Variants in SLC35B2 observed in about 807,000 individuals in gnomAD.
SLC35B2 encodes the protein solute carrier family 35 member B2.
In SLC35B2, 19 loss-of-function variants were observed where a neutral mutation model predicts 37.9. That is an observed-to-expected ratio of 0.50 (90% CI 0.35 to 0.74). The LOEUF (loss-of-function observed/expected upper bound fraction) is 0.74. SLC35B2 is among the 30% of genes least tolerant of loss of function. The probability of loss-of-function intolerance (pLI) is 0.01; values close to 1 mark genes in which losing one functional copy is unlikely to be tolerated. For missense variants in SLC35B2, 633 were observed against 547.6 expected (o/e 1.16, Z -1.56); for synonymous variants, 277 against 225.2 (o/e 1.23, Z -2.06).
Position 44,256,835 on chromosome 6 carries a change from C to G in SLC35B2, c.55G>C (p.Ala19Pro). The G allele has an allele frequency of 6.2e-7, 1 of 1,612,048 alleles. No homozygotes were observed. Among genetic ancestry groups the G allele is most frequent in the Non-Finnish European group, 8.5e-7 (1 of 1,179,100 alleles). Residue 19 changes from alanine to proline, a missense_variant, in exon 2 of 4, where the codon GCA (alanine) becomes CCA (proline). Coordinates refer to ENST00000393812, the MANE Select transcript of SLC35B2 (RefSeq NM_178148.4). ...VVLAAFPSLGAGGETPEAPPE... is the reference protein window; with the variant it reads ...VVLAAFPSLGPGGETPEAPPE... ...GGGGCTTCGGGAGTCTCCCCACCTG[C>G]CCCTAGGGAGGGGAACGCAGCCAGC...
In SLC35B2 at chr6:44,254,586, G is replaced by T; in HGVS notation, c.*120C>A. On this transcript the variant is annotated 3_prime_UTR_variant, in exon 4 of 4. Transcript: ENST00000393812. ...TCCCCAATCCCCTGCTGCAGAGCTG[G>T]TCTGTGATACTGAGAAAACACCTGC... The T allele has an allele frequency of 8.6e-7, 1 of 1,158,250 alleles. No homozygotes were observed. Among genetic ancestry groups the T allele is most frequent in the Non-Finnish European group, 1.2e-6 (1 of 822,910 alleles). The allele number at this position is 1,158,250 out of a possible 1,614,324, so 71.7% of individuals were successfully genotyped here.
At chr6:44,255,737 G>C in intron 3 of SLC35B2, 93 bp from the exon 4 acceptor site, 1 of 1,203,064 alleles carries the variant, frequency 8.3e-7, no homozygotes, top group Non-Finnish European at 1.1e-6. Context: ...TTATGCCTAA[G>C]TGATTCAAAG....
At position 44,254,617 on chromosome 6, in the gene SLC35B2, G is replaced by C; in HGVS notation, c.*89C>G. ...GATACTGAGAAAACACCTGCATTTT[G>C]CCCTTTCAGCCAGCTCCCTCAGAGG... On this transcript the variant is annotated 3_prime_UTR_variant, in exon 4 of 4. Coordinates refer to ENST00000393812, the MANE Select transcript of SLC35B2 (RefSeq NM_178148.4). The C allele has an allele frequency of 1.4e-6, 2 of 1,389,972 alleles. No homozygotes were observed. The highest frequency in any genetic ancestry group is 2.0e-6 in the Non-Finnish European group (2 of 1,023,692). 86.1% of individuals were successfully genotyped at this position (1,389,972 alleles called of 1,614,324 possible).
chr6:44,256,842 G>T lies in SLC35B2; in HGVS notation c.48C>A (p.Ser16=), dbSNP rs1212414911. Residue 16 remains serine, a synonymous_variant, in exon 2 of 4, where the codon TCC becomes TCA. Coordinates refer to ENST00000393812, the MANE Select transcript of SLC35B2 (RefSeq NM_178148.4). ...CGGGAGTCTCCCCACCTGCCCCTAGGGAGGGGAACGCAGCCAGCACCACCA... is the reference window on the plus strand; with the variant it reads ...CGGGAGTCTCCCCACCTGCCCCTAGTGAGGGGAACGCAGCCAGCACCACCA... The part of the protein sequence containing the change: ...WAVVVLAAFP[S]LGAGGETPEA... 1.2e-6 allele frequency: 2 copies of T among 1,611,568 alleles called. No individual in the cohort carries two copies. The highest frequency in any genetic ancestry group is 1.7e-6 in the Non-Finnish European group (2 of 1,178,916).
At position 44,254,911 on chromosome 6, in the gene SLC35B2, G is replaced by A. The variant is rs1350612513; in HGVS notation, c.1094C>T (p.Ala365Val). ...IFYTIGQFGA[A>V]VFTIIMTLRQ... is the part of the protein sequence containing the mutation. ...GAGGGTCATGATGATGGTGAAGACG[G>A]CAGCCCCAAACTGCCCAATGGTGTA... Residue 365 changes from alanine to valine, a missense_variant, in exon 4 of 4, where the codon GCC becomes GTC. Physicochemically the swap from Ala to Val is moderately conservative, Grantham distance 64. Coordinates refer to ENST00000393812, the MANE Select transcript of SLC35B2 (RefSeq NM_178148.4). 1 of 1,614,212 alleles carries A rather than the reference G, an allele frequency of 6.2e-7. No individual in the cohort carries two copies. Among genetic ancestry groups the A allele is most frequent in the Admixed American group, 1.7e-5 (1 of 60,030 alleles).
In SLC35B2 at chr6:44,256,675, C is replaced by T. The variant is rs1177900394; in HGVS notation, c.205+10G>A. On this transcript the variant is annotated intron_variant, in intron 2 of 3. Coordinates refer to ENST00000393812, the MANE Select transcript of SLC35B2 (RefSeq NM_178148.4). Reference sequence around the variant, plus strand: ...GACCTAGCTCACTTCCCCGCCCTTTCTTCACACACCGGTCTCCAGGTAGTT... The same window carrying T: ...GACCTAGCTCACTTCCCCGCCCTTTTTTCACACACCGGTCTCCAGGTAGTT... The T allele has an allele frequency of 1.9e-6, 3 of 1,613,916 alleles. No individual in the cohort carries two copies. The highest frequency in any genetic ancestry group is 2.7e-5 in the African/African-American group (2 of 74,924).
At position 44,254,104 on chromosome 6, in the gene SLC35B2, A is replaced by C. The variant is rs1781083690; in HGVS notation, c.*602T>G. Reference sequence around the variant, plus strand: ...TCAACCAAAACACAGGACCAAGTCCACTGCAGTAATTTAATTTAATAAAAT... The same window carrying C: ...TCAACCAAAACACAGGACCAAGTCCCCTGCAGTAATTTAATTTAATAAAAT... On this transcript the variant is annotated 3_prime_UTR_variant, in exon 4 of 4. Coordinates refer to ENST00000393812, the MANE Select transcript of SLC35B2 (RefSeq NM_178148.4). 1 of 224,670 alleles carries C rather than the reference A, an allele frequency of 4.5e-6. No individual in the cohort carries two copies. Among genetic ancestry groups the C allele is most frequent in the African/African-American group, 2.3e-5 (1 of 42,972 alleles). The allele number at this position is 224,670 out of a possible 1,614,324, so 13.9% of individuals were successfully genotyped here.
At chr6:44,256,519 A>G in intron 2 of SLC35B2, 23 bp from the exon 3 acceptor site, 1 of 1,614,070 alleles carries the variant, frequency 6.2e-7, no homozygotes, top group South Asian at 1.1e-5. Flanking sequence ...CACAAAGTCA[A>G]GCCCCAAATC....
Position 44,254,765 on chromosome 6 carries a change from GGCCCC to G in SLC35B2, c.1235_1239del (p.Arg412ProfsTer13), listed in dbSNP as rs1444157419. On this transcript the variant is annotated frameshift_variant, in exon 4 of 4. Coordinates refer to ENST00000393812, the MANE Select transcript of SLC35B2 (RefSeq NM_178148.4). LOFTEE classifies it high-confidence loss of function. Reference sequence around the variant, plus strand: ...GCCTTCTTTCCCCGTTGCTTTAGACGGCCCCGCGCGTAGACTCTGAGCAGGAGGGC... The same window carrying G: ...GCCTTCTTTCCCCGTTGCTTTAGACGGCGCGTAGACTCTGAGCAGGAGGGC... 1.2e-6 allele frequency: 2 copies of G among 1,613,958 alleles called. No homozygotes were observed. Among genetic ancestry groups the G allele is most frequent in the African/African-American group, 2.7e-5 (2 of 74,892 alleles).
Position 44,254,528 on chromosome 6 carries a change from A to T in SLC35B2, c.*178T>A. 1.5e-6 allele frequency: 1 copy of T among 679,948 alleles called. No individual in the cohort carries two copies. Among genetic ancestry groups the T allele is most frequent in the South Asian group, 2.0e-5 (1 of 49,380 alleles). 42.1% of individuals were successfully genotyped at this position (679,948 alleles called of 1,614,324 possible). A position where few individuals can be genotyped will look rare whatever the true frequency, so the allele number is the denominator to read the frequency against. ...TAAACTGCTTACTGGAAGATGGGTG[A>T]CTTAAGGCAAAAGGGAAGGCTGCCT... is the stretch of plus-strand genomic sequence containing the variant. On this transcript the variant is annotated 3_prime_UTR_variant, in exon 4 of 4. Coordinates refer to ENST00000393812, the MANE Select transcript of SLC35B2 (RefSeq NM_178148.4).
At chr6:44,255,734 T>G in intron 3 of SLC35B2, 90 bp from the exon 4 acceptor site, 1 of 1,251,640 alleles carries the variant, frequency 8.0e-7, no homozygotes, top group Non-Finnish European at 1.1e-6. Context: ...GGATTATGCC[T>G]AAGTGATTCA....
In SLC35B2 at chr6:44,254,956, C is replaced by A. The variant is rs765460272; in HGVS notation, c.1049G>T (p.Cys350Phe). 1.3e-5 allele frequency: 21 copies of A among 1,614,082 alleles called. No individual in the cohort carries two copies. The African/African-American group carries it at 2.7e-4, about 21-fold the overall frequency. The stretch of plus-strand genomic sequence containing the variant: ...GGTGTAAAAGATGAAGAGCTGGCCA[C>A]ATGCGGAGCAGATGGAGAGTAGCAG... ...HALLLSICSACGQLFIFYTIG... is the reference protein window; with the variant it reads ...HALLLSICSAFGQLFIFYTIG... The change falls in exon 4 of 4, where the codon TGT becomes TTT. Residue 350 changes from cysteine to phenylalanine, a missense_variant. By Grantham distance (205) the Cys-to-Phe change is radical. Transcript: ENST00000393812.
In SLC35B2 at chr6:44,255,179, C is replaced by T. The variant is rs1432821201; in HGVS notation, c.826G>A (p.Ala276Thr). Residue 276 changes from alanine to threonine, a missense_variant, in exon 4 of 4, where the codon GCA (alanine) becomes ACA (threonine). By Grantham distance (58) the Ala-to-Thr change is moderately conservative (BLOSUM62 0). Coordinates refer to ENST00000393812, the MANE Select transcript of SLC35B2 (RefSeq NM_178148.4). ...AAGCTGTCAAAAGCAATATAACCTG[C>T]CAGTAAGATGAGGCCTGAGAGTGTG... ...ATTLSGLILLAGYIAFDSFTS... is the reference protein window; with the variant it reads ...ATTLSGLILLTGYIAFDSFTS... 1.2e-6 allele frequency: 2 copies of T among 1,614,234 alleles called. No homozygotes were observed. Among genetic ancestry groups the T allele is most frequent in the Non-Finnish European group, 1.7e-6 (2 of 1,180,036 alleles).
In SLC35B2 at chr6:44,254,382, C is replaced by T. The variant is rs564453758; in HGVS notation, c.*324G>A. On this transcript the variant is annotated 3_prime_UTR_variant, in exon 4 of 4. Transcript: ENST00000393812. Reference sequence around the variant, plus strand: ...GGAGTGAGTCTGGAAGGTGGCAGAGCACAGCTAGGGCAAGACTTAAGGGAA... The same window carrying T: ...GGAGTGAGTCTGGAAGGTGGCAGAGTACAGCTAGGGCAAGACTTAAGGGAA... 1 of 296,826 alleles carries T rather than the reference C, an allele frequency of 3.4e-6. No homozygotes were observed. Among genetic ancestry groups the T allele is most frequent in the Non-Finnish European group, 6.4e-6 (1 of 156,818 alleles). 18.4% of individuals were successfully genotyped at this position (296,826 alleles called of 1,614,324 possible). A position where few individuals can be genotyped will look rare whatever the true frequency, so the allele number is the denominator to read the frequency against.
At chr6:44,257,095 C>G (rs1424078861) in intron 1 of SLC35B2, 1 of 627,420 alleles carries the variant, frequency 1.6e-6, no homozygotes, top group African/African-American at 1.9e-5. Context: ...GGCGGATCCG[C>G]CCCTCTGGCC....
At position 44,254,135 on chromosome 6, in the gene SLC35B2, T is replaced by C. The variant is rs1408091043; in HGVS notation, c.*571A>G. ...GTAATTTAATTTAATAAAATAAAAT[T>C]ATAAGAGCAAAAAGTTACATTTCTA... On this transcript the variant is annotated 3_prime_UTR_variant, in exon 4 of 4. Coordinates refer to ENST00000393812, the MANE Select transcript of SLC35B2 (RefSeq NM_178148.4). 3 of 217,186 alleles carry C rather than the reference T, an allele frequency of 1.4e-5. No homozygotes were observed. The highest frequency in any genetic ancestry group is 2.8e-5 in the Non-Finnish European group (3 of 106,086). 13.5% of individuals were successfully genotyped at this position (217,186 alleles called of 1,614,324 possible). A position where few individuals can be genotyped will look rare whatever the true frequency, so the allele number is the denominator to read the frequency against.
intron 3 of SLC35B2, 119 bp downstream of exon 3, chr6:44,256,223 G>T: frequency 7.6e-7 from 1 of 1,314,386 alleles, no homozygotes; most frequent in Non-Finnish European, 1.0e-6. Context: ...GTGCCCCTGG[G>T]AGGAGGACAC....
rs1781223410 is a variant in SLC35B2, at chr6:44,254,928, A to T, written c.1077T>A (p.Ile359=). 1.9e-6 allele frequency: 3 copies of T among 1,614,154 alleles called. No individual in the cohort carries two copies. The South Asian group carries it at 3.3e-5, about 18-fold the overall frequency. ...TGAAGACGGCAGCCCCAAACTGCCC[A>T]ATGGTGTAAAAGATGAAGAGCTGGC... ...ACGQLFIFYT[I]GQFGAAVFTI... The change falls in exon 4 of 4, where the codon ATT becomes ATA. Residue 359 remains isoleucine, a synonymous_variant. Transcript: ENST00000393812.
In SLC35B2 at chr6:44,254,444, C is replaced by CT. The variant is rs1196213330; in HGVS notation, c.*261dup. 1 of 484,092 alleles carries CT rather than the reference C, an allele frequency of 2.1e-6. No individual in the cohort carries two copies. Among genetic ancestry groups the CT allele is most frequent in the East Asian group, 3.4e-5 (1 of 29,174 alleles). 30.0% of individuals were successfully genotyped at this position (484,092 alleles called of 1,614,324 possible). On this transcript the variant is annotated 3_prime_UTR_variant, in exon 4 of 4. Coordinates refer to ENST00000393812, the MANE Select transcript of SLC35B2 (RefSeq NM_178148.4). ...AGTAACTGGAACCTACCTATGCTCT[C>CT]TTGACCCCAAACTCCCCAAAACCCC...
Sources: allele counts gnomAD v4.1 joint callset, GRCh38; gene constraint gnomAD v4.1.1; transcripts MANE v1.5; gene names NCBI Gene and HGNC (gene_info 2026-07-23, HGNC 2026-07-21).